ST18: variants seen among roughly 807,000 people sequenced by gnomAD.
ST18 encodes the protein suppression of tumorigenicity 18 protein.
In ST18, 50 loss-of-function variants were observed where a neutral mutation model predicts 110.0. That is an observed-to-expected ratio of 0.45 (90% CI 0.36 to 0.58). The LOEUF (loss-of-function observed/expected upper bound fraction) is 0.58. Among genes scored for constraint, ST18 ranks in the 20% least tolerant of loss-of-function variants. The probability of loss-of-function intolerance (pLI) is 0.00; values close to 1 mark genes in which losing one functional copy is unlikely to be tolerated. For missense variants in ST18, 1,306 were observed against 1,280.1 expected (o/e 1.02, Z -0.31); for synonymous variants, 461 against 452.4 (o/e 1.02, Z -0.24).
intron 2 of ST18, among the ~76,000 whole-genome samples, chr8:52,316,469 C>A (rs927582035): frequency 6.6e-6 from 1 of 152,166 alleles, no homozygotes. Context: ...GTAGAATTTA[C>A]ACTTTTATAA....
rs1248315035 is a variant in ST18 at position 52,130,107 on chromosome 8, AAAG to A, written c.2666+1848_2666+1850del. 4.4e-5 allele frequency among the ~76,000 whole-genome samples: 4 copies of A among 90,624 alleles called. No individual in the cohort carries two copies. The East Asian group carries it at 9.6e-4, about 22-fold the overall frequency. The allele number at this position is 90,624 out of a possible 152,430, so 59.5% of individuals were successfully genotyped here. A position where few individuals can be genotyped will look rare whatever the true frequency, so the allele number is the denominator to read the frequency against. Reference sequence around the variant, plus strand: ...GAGAAAGAAAGAAAAAGAAAGAAAGAAAGAAAGAAAGAAAAGAAAGAAAGAAAG... The same window carrying A: ...GAGAAAGAAAGAAAAAGAAAGAAAGAAAAGAAAGAAAAGAAAGAAAGAAAG... On this transcript the variant is annotated intron_variant, in intron 22 of 25. Coordinates refer to ENST00000689386, the MANE Select transcript of ST18 (RefSeq NM_001352837.2).
chr8:52,239,176 A>G (rs76356081), intron 2 of ST18, among the ~76,000 whole-genome samples: 4,481 of 152,280 alleles, frequency 0.029, 122 homozygotes, highest in East Asian at 0.078. Flanking sequence ...GTTGTTGCCC[A>G]GGGTTAGGAG....
chr8:52,333,249 T>C (rs1810437273), intron 2 of ST18, among the ~76,000 whole-genome samples: 2 of 152,084 alleles, frequency 1.3e-5, no homozygotes, highest in African/African-American at 4.8e-5. Context: ...TTCTGCAGTT[T>C]CTTCTATAAC....
chr8:52,378,601 C>A (rs13248774), intron 2 of ST18, among the ~76,000 whole-genome samples: 1 of 152,098 alleles, frequency 6.6e-6, no homozygotes, highest in Non-Finnish European at 1.5e-5. Context: ...TTCAGGTGTG[C>A]ATTTAATTAA....
intron 2 of ST18, among the ~76,000 whole-genome samples, chr8:52,244,181 G>T (rs1181871420): frequency 1.3e-5 from 2 of 152,122 alleles, no homozygotes; most frequent in Non-Finnish European, 2.9e-5. Context: ...GGGAAACCTG[G>T]TCAGTACACG....
intron 9 of ST18, among the ~76,000 whole-genome samples, chr8:52,173,531 G>A (rs1166919577): frequency 1.8e-4 from 28 of 152,156 alleles, no homozygotes. Context: ...TGGGGTGACA[G>A]AGTGTATAGA....
chr8:52,340,430 G>C (rs919417672), intron 2 of ST18, among the ~76,000 whole-genome samples: 6 of 152,158 alleles, frequency 3.9e-5, no homozygotes, highest in Non-Finnish European at 8.8e-5. Flanking sequence ...TGTGGGCCTG[G>C]ATCCAGTGCA....
intron 22 of ST18, among the ~76,000 whole-genome samples, chr8:52,131,272 C>A (rs1188862411): frequency 2.0e-5 from 3 of 152,172 alleles, no homozygotes; most frequent in African/African-American, 7.2e-5. Flanking sequence ...CAAGACAGGA[C>A]CCCCTGTAGG....
chr8:52,116,076 C>T (rs60717329), intron 25 of ST18, among the ~76,000 whole-genome samples, 199 bp downstream of exon 25: 3,542 of 152,064 alleles, frequency 0.023, 129 homozygotes, highest in African/African-American at 0.082. Context: ...AATTCTTGGC[C>T]TTCATATAAT....
intron 2 of ST18, chr8:52,313,642 G>C (rs948325312): frequency 8.5e-5 from 13 of 152,448 alleles, no homozygotes; most frequent in African/African-American, 3.1e-4. Context: ...GACAAATACA[G>C]TGCAGCCACC....
chr8:52,198,946 C>T (rs1043410218), intron 8 of ST18, among the ~76,000 whole-genome samples: 7 of 152,192 alleles, frequency 4.6e-5, no homozygotes, highest in East Asian at 3.9e-4. Flanking sequence ...AGCCCCACCA[C>T]GGAGCTGTGG....
chr8:52,231,818 G>T (rs143234608), intron 2 of ST18, among the ~76,000 whole-genome samples: 1 of 152,178 alleles, frequency 6.6e-6, no homozygotes, highest in Admixed American at 6.5e-5. Flanking sequence ...AAACTCTGAG[G>T]TTCTCACAAG....
At chr8:52,215,109 G>T (rs1475850628) in intron 6 of ST18, among the ~76,000 whole-genome samples, 4 of 152,134 alleles carry the variant, frequency 2.6e-5, no homozygotes, top group African/African-American at 7.2e-5. Context: ...CAGGCAGAAG[G>T]TGCGCTCAGT....
chr8:52,300,777 A>T (rs1438986693), intron 2 of ST18, among the ~76,000 whole-genome samples: 2 of 152,158 alleles, frequency 1.3e-5, no homozygotes, highest in Non-Finnish European at 2.9e-5. Flanking sequence ...AATAGTTCTG[A>T]TGATGACCGT....
At chr8:52,253,335 T>G (rs1365819410) in intron 2 of ST18, among the ~76,000 whole-genome samples, 1 of 152,138 alleles carries the variant, frequency 6.6e-6, no homozygotes, top group African/African-American at 2.4e-5. Context: ...AATATTTCAT[T>G]GAAATCATCC....
Position 52,320,090 on chromosome 8 carries a change from A to C in ST18, c.-465+89238T>G, listed in dbSNP as rs138280503. 5.1e-3 allele frequency among the ~76,000 whole-genome samples: 773 copies of C among 152,322 alleles called. 4 individuals carry two copies. Among genetic ancestry groups the C allele is most frequent in the African/African-American group, 0.018 (731 of 41,568 alleles). Reference sequence around the variant, plus strand: ...GAATGTCAAGAAAATTTGGGCCTATATTTTAAAATCTGTCTCTATATATAT... The same window carrying C: ...GAATGTCAAGAAAATTTGGGCCTATCTTTTAAAATCTGTCTCTATATATAT... On this transcript the variant is annotated intron_variant, in intron 2 of 25. Transcript: ENST00000689386.
chr8:52,392,150 C>T (rs965205466), intron 2 of ST18, among the ~76,000 whole-genome samples: 3 of 152,028 alleles, frequency 2.0e-5, no homozygotes, highest in Non-Finnish European at 4.4e-5. Flanking sequence ...GAGGGTAAAC[C>T]GAATTAAGAG....
chr8:52,243,288 C>A (rs2093590043), intron 2 of ST18, among the ~76,000 whole-genome samples: 1 of 151,906 alleles, frequency 6.6e-6, no homozygotes, highest in Admixed American at 6.6e-5. Context: ...TCCAGGGGTC[C>A]CCTAGCATGA....
intron 9 of ST18, among the ~76,000 whole-genome samples, chr8:52,175,202 T>G (rs1364769326): frequency 2.0e-5 from 3 of 152,154 alleles, no homozygotes; most frequent in Non-Finnish European, 4.4e-5. Context: ...GAATACCCAA[T>G]AGGTATCCAG....
Sources: gnomAD v4.1 joint callset for allele counts (sites outside exome capture counted in the v4.1 genomes callset) on GRCh38, gnomAD v4.1.1 for gene constraint, MANE v1.5 for transcripts, NCBI Gene and HGNC (gene_info 2026-07-23, HGNC 2026-07-21) for gene names.